Variants in AGMO observed in about 807,000 individuals in gnomAD.
The protein encoded by AGMO is alkylglycerol monooxygenase, also known as glyceryl-ether monooxygenase.
Under a neutral mutation model 60.2 loss-of-function variants are expected in AGMO, and 75 were observed. That is an observed-to-expected ratio of 1.25 (90% CI 1.03 to 1.51). The LOEUF (loss-of-function observed/expected upper bound fraction) is 1.51. Ranked by LOEUF, AGMO falls within the 40% of genes most tolerant of loss-of-function variation. The probability of loss-of-function intolerance (pLI) is 0.00; values close to 1 mark genes in which losing one functional copy is unlikely to be tolerated. For missense variants in AGMO, 763 were observed against 525.5 expected, an observed-to-expected ratio of 1.45 and a Z score of -4.42; for synonymous variants, 261 against 177.1, an observed-to-expected ratio of 1.47 and a Z score of -3.76.
chr7:15,474,114 G>C (rs1322530261), intron 3 of AGMO, among the ~76,000 whole-genome samples: 3 of 152,084 alleles, frequency 2.0e-5, no homozygotes, highest in Non-Finnish European at 4.4e-5. Context: ...TTGTGAAAAT[G>C]GCTATACTGC....
the AGMO span, among the ~76,000 whole-genome samples, chr7:15,133,974 C>T: frequency 6.6e-6 from 1 of 152,132 alleles, no homozygotes; most frequent in Non-Finnish European, 1.5e-5. Flanking sequence ...AACTTTTGCA[C>T]ACCTTTCTGT....
intron 3 of AGMO, among the ~76,000 whole-genome samples, chr7:15,494,706 T>C (rs1783176008): frequency 6.6e-6 from 1 of 152,236 alleles, no homozygotes; most frequent in Admixed American, 6.5e-5. Flanking sequence ...GCCTAATGCA[T>C]GAAAATCCTC....
chr7:15,517,027 C>G (rs2128533354), intron 3 of AGMO, among the ~76,000 whole-genome samples: 1 of 151,578 alleles, frequency 6.6e-6, no homozygotes, highest in Middle Eastern at 3.4e-3. Flanking sequence ...AAGGAAGCAG[C>G]TTGAACACCA....
At chr7:15,374,772 T>C (rs1039438366) in intron 10 of AGMO, among the ~76,000 whole-genome samples, 1 of 151,992 alleles carries the variant, frequency 6.6e-6, no homozygotes, top group Non-Finnish European at 1.5e-5. Context: ...GTGGATTCCC[T>C]GAATTGTGGA....
intron 10 of AGMO, among the ~76,000 whole-genome samples, chr7:15,370,251 T>C (rs538076014): frequency 2.0e-5 from 3 of 152,342 alleles, no homozygotes; most frequent in Non-Finnish European, 2.9e-5. Context: ...CATGCCTGCA[T>C]AGTAATCCAT....
chr7:15,405,751 G>C (rs1000804770), intron 5 of AGMO, among the ~76,000 whole-genome samples: 1 of 151,860 alleles, frequency 6.6e-6, no homozygotes, highest in African/African-American at 2.4e-5. Context: ...AGGTCAGAGA[G>C]TCTAAGTAAG....
intron 12 of AGMO, among the ~76,000 whole-genome samples, chr7:15,254,713 T>G (rs1298320597): frequency 2.0e-5 from 3 of 148,216 alleles, no homozygotes; most frequent in Non-Finnish European, 3.0e-5. Context: ...TTTTAAAAGA[T>G]AAAGAAAATA....
the AGMO span, among the ~76,000 whole-genome samples, chr7:15,131,016 A>AG: frequency 2.6e-5 from 4 of 152,220 alleles, no homozygotes; most frequent in African/African-American, 7.2e-5. Context: ...AATTGCCAAT[A>AG]GCTATATCAT....
At chr7:15,261,988 C>A (rs1783286680) in intron 12 of AGMO, among the ~76,000 whole-genome samples, 1 of 151,988 alleles carries the variant, frequency 6.6e-6, no homozygotes, top group African/African-American at 2.4e-5. Context: ...ATAGAAGGGA[C>A]ATATTTTAAG....
chr7:15,237,745 C>T (rs1016169240), intron 12 of AGMO, among the ~76,000 whole-genome samples: 6 of 152,060 alleles, frequency 3.9e-5, no homozygotes, highest in Admixed American at 3.3e-4. Flanking sequence ...ACGTTCACCT[C>T]AGCTTGACCA....
At chr7:15,154,070 GT>G in the AGMO span, among the ~76,000 whole-genome samples, 1 of 152,062 alleles carries the variant, frequency 6.6e-6, no homozygotes, top group African/African-American at 2.4e-5. Flanking sequence ...ATCCAAATTG[GT>G]AAAGAGGAAA....
rs183527364 is a variant in AGMO at position 15,544,282 on chromosome 7, T to G, written c.409+490A>C. Among the ~76,000 whole-genome samples, 214 of 152,100 alleles carry G rather than the reference T, an allele frequency of 1.4e-3. 3 individuals carry two copies. In the Middle Eastern group the frequency reaches 0.037, roughly 27 times the overall value. On this transcript the variant is annotated intron_variant, in intron 3 of 12. Coordinates refer to ENST00000342526, the MANE Select transcript of AGMO (RefSeq NM_001004320.2). ...ATGGGTACAGGGTACAATGCTCGGG[T>G]GATAGGTGCACCACAGTCTCGGAAA...
chr7:15,338,451 A>G (rs139071698), intron 12 of AGMO, among the ~76,000 whole-genome samples: 1 of 112,920 alleles, frequency 8.9e-6, no homozygotes, highest in Admixed American at 8.5e-5. Flanking sequence ...GAGATTTGGC[A>G]TTGTGATGCT....
At chr7:15,219,221 G>C (rs1781841242) in intron 12 of AGMO, among the ~76,000 whole-genome samples, 1 of 152,134 alleles carries the variant, frequency 6.6e-6, no homozygotes, top group Admixed American at 6.6e-5. Context: ...TTGAATTAGT[G>C]CAGATAATAC....
rs991096457 is a variant in AGMO at position 15,365,623 on chromosome 7, A to T, written c.1158-4T>A. 17 of 1,603,036 alleles carry T rather than the reference A, an allele frequency of 1.1e-5. No homozygotes were observed. In the African/African-American group the frequency reaches 2.0e-4, roughly 19 times the overall value. ...TTCCATAATAGCTGCCTTGGGTCTG[A>T]AATAAAATGTCATTAACATGCATTA... On this transcript the variant is annotated splice_region_variant and splice_polypyrimidine_tract_variant and intron_variant, in intron 11 of 12. Coordinates refer to ENST00000342526, the MANE Select transcript of AGMO (RefSeq NM_001004320.2).
intron 10 of AGMO, among the ~76,000 whole-genome samples, chr7:15,371,913 A>ACAC (rs761200915): frequency 0.092 from 13,286 of 143,648 alleles, 162 homozygotes; most frequent in Non-Finnish European, 0.12. Flanking sequence ...TTAATATTAA[A>ACAC]TTATTAAGTG....
chr7:15,354,417 T>TATATACACAC (rs1563105436), intron 12 of AGMO, among the ~76,000 whole-genome samples: 1 of 23,692 alleles, frequency 4.2e-5, no homozygotes, highest in Non-Finnish European at 6.7e-5. Context: ...CACACGTGTG[T>TATATACACAC]GTATACACAC....
At chr7:15,520,602 G>A (rs906929237) in intron 3 of AGMO, among the ~76,000 whole-genome samples, 5 of 152,020 alleles carry the variant, frequency 3.3e-5, no homozygotes, top group Non-Finnish European at 7.4e-5. Context: ...ATGACTACTG[G>A]GTAAATAATG....
At chr7:15,415,806 G>A (rs993958232) in intron 5 of AGMO, among the ~76,000 whole-genome samples, 2 of 151,942 alleles carry the variant, frequency 1.3e-5, no homozygotes, top group African/African-American at 4.8e-5. Context: ...TTAAAAACAT[G>A]TATTAAATAA....
Sources: allele counts gnomAD v4.1 joint callset (sites outside exome capture counted in the v4.1 genomes callset), GRCh38; gene constraint gnomAD v4.1.1; transcripts MANE v1.5; gene names NCBI Gene and HGNC (gene_info 2026-07-23, HGNC 2026-07-21).